The following LINGO1 variants were observed in gnomAD, a reference collection of about 807,000 sequenced individuals.
The protein encoded by LINGO1 is leucine-rich repeat and immunoglobulin-like domain-containing nogo receptor-interacting protein 1.
In LINGO1, 11 loss-of-function variants were observed where a neutral mutation model predicts 37.3. That is an observed-to-expected ratio of 0.29 (90% confidence interval 0.19 to 0.49). The LOEUF is 0.49. Ranked by LOEUF, LINGO1 falls within the 20% of genes least tolerant of loss-of-function variation. The probability of loss-of-function intolerance (pLI) is 0.99; values close to 1 mark genes in which losing one functional copy is unlikely to be tolerated. For missense variants in LINGO1, 585 were observed against 878.2 expected (o/e 0.67, Z 4.22); for synonymous variants, 387 against 403.0 (o/e 0.96, Z 0.48).
At chr15:77,773,457 G>A (rs1293887991) in intron 1 of LINGO1, among the ~76,000 whole-genome samples, 1 of 152,138 alleles carries the variant, frequency 6.6e-6, no homozygotes, top group Non-Finnish European at 1.5e-5. Context: ...AGTGAAGTTA[G>A]GTGACAGCTA....
At chr15:77,785,150 C>T (rs1186117989) in intron 1 of LINGO1, 2 of 152,250 alleles carry the variant, frequency 1.3e-5, no homozygotes, top group Non-Finnish European at 2.9e-5. Flanking sequence ...TACACAAACC[C>T]AAGTTGGGAG....
At chr15:77,738,737 A>G (rs929975393) in intron 1 of LINGO1, among the ~76,000 whole-genome samples, 1 of 146,918 alleles carries the variant, frequency 6.8e-6, no homozygotes, top group Non-Finnish European at 1.5e-5. Flanking sequence ...GACAGTCAAT[A>G]CATATTTGCT....
intron 1 of LINGO1, among the ~76,000 whole-genome samples, chr15:77,630,620 T>G (rs1446761814): frequency 3.9e-5 from 6 of 152,130 alleles, no homozygotes; most frequent in African/African-American, 1.4e-4. Context: ...TTTGAGCACA[T>G]GCCCATCCCC....
chr15:77,764,919 T>A (rs1455744746), intron 1 of LINGO1, among the ~76,000 whole-genome samples: 1 of 151,546 alleles, frequency 6.6e-6, no homozygotes, highest in East Asian at 1.9e-4. Context: ...GGAAAGGAGG[T>A]CCATGTGGAT....
At chr15:77,690,299 C>T (rs1246945151) in intron 2 of LINGO1, among the ~76,000 whole-genome samples, 2 of 152,198 alleles carry the variant, frequency 1.3e-5, no homozygotes, top group South Asian at 4.1e-4. Context: ...TTCGTTTGTT[C>T]TGTCAGAGAA....
chr15:77,705,174 GACACACACACAC>G (rs72451354), intron 2 of LINGO1, among the ~76,000 whole-genome samples: 9 of 99,140 alleles, frequency 9.1e-5, no homozygotes, highest in African/African-American at 3.0e-4. Flanking sequence ...CCCCTGCCAT[GACACACACACAC>G]ACACACACAC....
intron 3 of LINGO1, chr15:77,666,911 G>A (rs1347442374): frequency 6.6e-6 from 1 of 152,234 alleles, no homozygotes; most frequent in East Asian, 1.9e-4. Context: ...CAAGGGCTGA[G>A]GAACTCAGCC....
At chr15:77,700,693 T>C (rs1396402940), upstream of LINGO1, among the ~76,000 whole-genome samples, 1 of 151,438 alleles carries the variant, frequency 6.6e-6, no homozygotes, top group Non-Finnish European at 1.5e-5. Flanking sequence ...TTCACATCAC[T>C]GCAAGTAGCT....
intron 1 of LINGO1, among the ~76,000 whole-genome samples, chr15:77,799,016 A>C (rs2076895762): frequency 6.6e-6 from 1 of 152,246 alleles, no homozygotes; most frequent in African/African-American, 2.4e-5. Flanking sequence ...ATAATCACAG[A>C]GCTTGAGAGG....
At chr15:77,741,796 C>A (rs971610384) in intron 1 of LINGO1, among the ~76,000 whole-genome samples, 1 of 152,178 alleles carries the variant, frequency 6.6e-6, no homozygotes, top group African/African-American at 2.4e-5. Flanking sequence ...CTTCTGGGGG[C>A]CAAAGAAGCC....
chr15:77,739,986 A>C (rs893064021), intron 1 of LINGO1, among the ~76,000 whole-genome samples: 1 of 152,238 alleles, frequency 6.6e-6, no homozygotes, highest in African/African-American at 2.4e-5. Context: ...TGTGCCAGGC[A>C]CTGAGCTGAG....
At chr15:77,720,113 C>G (rs967041657) in intron 2 of LINGO1, among the ~76,000 whole-genome samples, 6 of 150,322 alleles carry the variant, frequency 4.0e-5, no homozygotes, top group Non-Finnish European at 8.9e-5. Context: ...CTTGGCTTCA[C>G]CAAGGACCCC....
chr15:77,683,407 T>C (rs977738482), intron 2 of LINGO1, among the ~76,000 whole-genome samples: 10 of 152,146 alleles, frequency 6.6e-5, no homozygotes, highest in Non-Finnish European at 1.3e-4. Context: ...AAGATATATA[T>C]AAGGATGCTC....
intron 3 of LINGO1, among the ~76,000 whole-genome samples, chr15:77,664,416 T>C (rs1169093855): frequency 1.3e-5 from 2 of 151,842 alleles, no homozygotes; most frequent in African/African-American, 2.4e-5. Flanking sequence ...TTGTGGATGG[T>C]TGGGGGGTCA....
chr15:77,616,632 A>G (rs2073732799), intron 1 of LINGO1, among the ~76,000 whole-genome samples: 1 of 152,016 alleles, frequency 6.6e-6, no homozygotes, highest in South Asian at 2.1e-4. Context: ...CTCCCCCTGC[A>G]CCTGCAAATC....
intron 1 of LINGO1, among the ~76,000 whole-genome samples, chr15:77,816,207 T>G (rs938169710): frequency 1.3e-5 from 2 of 152,204 alleles, no homozygotes; most frequent in Non-Finnish European, 2.9e-5. Context: ...TGTTTCCCCT[T>G]TGAGAGCCCA....
chr15:77,817,781 G>C (rs945862720), intron 1 of LINGO1, among the ~76,000 whole-genome samples: 1 of 152,178 alleles, frequency 6.6e-6, no homozygotes, highest in African/African-American at 2.4e-5. Context: ...GAAAAGGGCT[G>C]TCCTAAGACT....
chr15:77,781,600 G>A (rs2076717666), intron 1 of LINGO1, among the ~76,000 whole-genome samples: 1 of 152,222 alleles, frequency 6.6e-6, no homozygotes, highest in African/African-American at 2.4e-5. Flanking sequence ...TGCACGTGGT[G>A]CCTCAGAAGG....
At chr15:77,695,692 C>A (rs2075679758) in intron 1 of LINGO1, among the ~76,000 whole-genome samples, 1 of 152,084 alleles carries the variant, frequency 6.6e-6, no homozygotes, top group Non-Finnish European at 1.5e-5. Flanking sequence ...TGCCCAGCCT[C>A]CCCCTGCCCC....
Sources: gnomAD v4.1 joint callset for allele counts (sites outside exome capture counted in the v4.1 genomes callset) on GRCh38, gnomAD v4.1.1 for gene constraint, MANE v1.5 for transcripts, NCBI Gene and HGNC (gene_info 2026-07-23, HGNC 2026-07-21) for gene names.